The following ARHGAP26 variants were observed in gnomAD, a reference collection of about 807,000 sequenced individuals.
ARHGAP26 encodes rho GTPase-activating protein 26.
ARHGAP26 carries 38 observed loss-of-function variants against 104.8 expected under a neutral mutation model. The observed-to-expected ratio is 0.36, with a 90% confidence interval of 0.28 to 0.48. The LOEUF is 0.48. Among genes scored for constraint, ARHGAP26 ranks in the 20% least tolerant of loss-of-function variants. The pLI is 0.99. For synonymous variants in ARHGAP26, 341 were observed against 340.0 expected (o/e 1.00, Z -0.03); for missense variants, 704 against 947.9 (o/e 0.74, Z 3.38).
At chr5:142,969,670 C>G (rs1387547653) in intron 11 of ARHGAP26, among the ~76,000 whole-genome samples, 1 of 152,160 alleles carries the variant, frequency 6.6e-6, no homozygotes, top group African/African-American at 2.4e-5. Flanking sequence ...TAGAGTAGTG[C>G]TTCTTAACCT....
chr5:143,091,425 C>T (rs758884179), intron 17 of ARHGAP26, among the ~76,000 whole-genome samples: 2 of 152,174 alleles, frequency 1.3e-5, no homozygotes, highest in African/African-American at 4.8e-5. Context: ...AGAAACTGAT[C>T]TTTTGTTTTA....
At chr5:143,059,267 C>T (rs1451568946) in intron 17 of ARHGAP26, among the ~76,000 whole-genome samples, 1 of 152,134 alleles carries the variant, frequency 6.6e-6, no homozygotes, top group East Asian at 1.9e-4. Context: ...TTCAGGCCTG[C>T]AGAGAGCAGC....
chr5:142,890,399 T>TCATGTCAC (rs1441799270), intron 5 of ARHGAP26, among the ~76,000 whole-genome samples: 1 of 151,054 alleles, frequency 6.6e-6, no homozygotes, highest in East Asian at 2.0e-4. Context: ...CAGCAGTTAC[T>TCATGTCAC]CATGTCACCA....
chr5:143,123,302 C>G (rs1796350050), intron 18 of ARHGAP26, among the ~76,000 whole-genome samples: 1 of 152,230 alleles, frequency 6.6e-6, no homozygotes, highest in Non-Finnish European at 1.5e-5. Context: ...TTGGAATAAG[C>G]CATCTTGACT....
intron 1 of ARHGAP26, among the ~76,000 whole-genome samples, chr5:142,858,094 TGAGA>T (rs1249755991): frequency 7.5e-4 from 95 of 127,244 alleles, no homozygotes; most frequent in Non-Finnish European, 1.1e-3. Flanking sequence ...TGTGTGTGTG[TGAGA>T]GAGAGAGAGA....
chr5:142,919,281 G>C (rs3776405), intron 10 of ARHGAP26: 34,347 of 398,450 alleles, frequency 0.086, 3,006 homozygotes, highest in African/African-American at 0.3. Context: ...AGAAGTCGAG[G>C]TGATGCACCT....
chr5:143,129,401 AAGGTC>A (rs1797071323), intron 18 of ARHGAP26, among the ~76,000 whole-genome samples: 1 of 152,184 alleles, frequency 6.6e-6, no homozygotes, highest in Admixed American at 6.5e-5. Flanking sequence ...AAGGTCTCTG[AAGGTC>A]AGAGAGTTAC....
At chr5:142,994,508 A>G (rs777458776) in intron 11 of ARHGAP26, among the ~76,000 whole-genome samples, 15 of 152,166 alleles carry the variant, frequency 9.9e-5, no homozygotes, top group Non-Finnish European at 1.6e-4. Flanking sequence ...CATGAAGGGT[A>G]TGCAGTTTTT....
rs768641152 is a variant in ARHGAP26, at chr5:143,056,052, G to A, written c.1398G>A (p.Met466Ile). 1.2e-6 allele frequency: 2 copies of A among 1,613,186 alleles called. No homozygotes were observed. The highest frequency in any genetic ancestry group is 1.1e-5 in the South Asian group (1 of 91,018). The change falls in exon 16 of 23, where the codon ATG becomes ATA. Residue 466 changes from methionine to isoleucine, a missense_variant. Met to Ile is a conservative substitution (Grantham distance 10, BLOSUM62 1). Coordinates refer to ENST00000645722, the MANE Select transcript of ARHGAP26 (RefSeq NM_001135608.3). ...GAATGCTTCCAGGACCACTCATGATGTACCAGTTTCAAAGAAGTTTCATCA... is the reference window on the plus strand; with the variant it reads ...GAATGCTTCCAGGACCACTCATGATATACCAGTTTCAAAGAAGTTTCATCA... ...YLRMLPGPLM[M>I]YQFQRSFIKA...
At chr5:143,188,931 G>A (rs1474095399) in intron 20 of ARHGAP26, among the ~76,000 whole-genome samples, 3 of 152,224 alleles carry the variant, frequency 2.0e-5, no homozygotes, top group East Asian at 1.9e-4. Flanking sequence ...AAGTCCCTGG[G>A]CTGTTTGTTT....
At chr5:142,919,086 A>G in intron 10 of ARHGAP26, 1 of 397,356 alleles carries the variant, frequency 2.5e-6, no homozygotes, top group Non-Finnish European at 4.4e-6. Context: ...TCATATGCTG[A>G]AGTCCTAATC....
chr5:142,944,432 T>C (rs535739801), intron 11 of ARHGAP26, among the ~76,000 whole-genome samples: 1 of 152,316 alleles, frequency 6.6e-6, no homozygotes, highest in South Asian at 2.1e-4. Context: ...GTATGCATAT[T>C]TAATATTCCA....
intron 1 of ARHGAP26, among the ~76,000 whole-genome samples, chr5:142,842,588 G>A (rs1249025071): frequency 6.6e-6 from 1 of 152,192 alleles, no homozygotes; most frequent in Non-Finnish European, 1.5e-5. Flanking sequence ...AACATGCCTA[G>A]AGGTCCCACA....
rs1811806726 is a variant in ARHGAP26 at position 143,228,166 on chromosome 5, T to G, written c.*5720T>G. On this transcript the variant is annotated 3_prime_UTR_variant, in exon 23 of 23. Transcript: ENST00000645722. ...TTGTCCAGACACCTAAAAGCAGCTT[T>G]CTTGGTTATCCAGATGCCAGAATCA... The G allele has an allele frequency of 4.4e-6, 1 of 226,082 alleles. No individual in the cohort carries two copies. The highest frequency in any genetic ancestry group is 8.8e-6 in the Non-Finnish European group (1 of 113,570). The allele number at this position is 226,082 out of a possible 1,614,324, so 14.0% of individuals were successfully genotyped here.
chr5:143,001,097 CT>C (rs1040364788), intron 11 of ARHGAP26, among the ~76,000 whole-genome samples: 15 of 151,844 alleles, frequency 9.9e-5, no homozygotes, highest in African/African-American at 3.6e-4. Context: ...TGATGTAAGT[CT>C]GTTTGTATAG....
chr5:142,771,509 G>T (rs1755194696), intron 1 of ARHGAP26: 14 of 931,400 alleles, frequency 1.5e-5, no homozygotes, highest in Non-Finnish European at 2.0e-5. Context: ...TCTGGAATCA[G>T]TACGTGCGCA....
intron 17 of ARHGAP26, among the ~76,000 whole-genome samples, chr5:143,079,795 A>C (rs757642414): frequency 6.6e-6 from 1 of 152,158 alleles, no homozygotes; most frequent in Non-Finnish European, 1.5e-5. Flanking sequence ...CAGCGTGCCT[A>C]GGGAAAGTGA....
intron 11 of ARHGAP26, among the ~76,000 whole-genome samples, chr5:142,968,388 G>C (rs943041101): frequency 6.6e-6 from 1 of 152,118 alleles, no homozygotes; most frequent in African/African-American, 2.4e-5. Flanking sequence ...TTCTTAGCCT[G>C]TCCTTTCTCA....
chr5:142,854,914 C>T (rs1160476491), intron 1 of ARHGAP26, among the ~76,000 whole-genome samples: 1 of 152,110 alleles, frequency 6.6e-6, no homozygotes, highest in Non-Finnish European at 1.5e-5. Flanking sequence ...GGGGCTTTAA[C>T]TGGATGTGCT....
Sources: allele counts gnomAD v4.1 joint callset (sites outside exome capture counted in the v4.1 genomes callset), GRCh38; gene constraint gnomAD v4.1.1; transcripts MANE v1.5; gene names NCBI Gene and HGNC (gene_info 2026-07-23, HGNC 2026-07-21).